The following MAX variants were observed in gnomAD, a reference collection of about 807,000 sequenced individuals.
MAX encodes protein max.
Under a neutral mutation model 22.3 loss-of-function variants are expected in MAX, and 3 were observed. That is an observed-to-expected ratio of 0.13 (90% CI 0.06 to 0.35). The LOEUF is 0.35. MAX is among the 10% of genes least tolerant of loss of function. The pLI is 1.00. For synonymous variants in MAX, 72 were observed against 77.7 expected (o/e 0.93, Z 0.39); for missense variants, 119 against 209.4 (o/e 0.57, Z 2.66).
chr14:65,102,556 C>T, upstream of MAX: 1 of 1,444,088 alleles, frequency 6.9e-7, no homozygotes, highest in Non-Finnish European at 9.1e-7. Context: ...GCCCGGTCGG[C>T]CCCCGCCACG....
chr14:65,045,429 C>A (rs1161896323), intron 3 of MAX, among the ~76,000 whole-genome samples: 2 of 147,706 alleles, frequency 1.4e-5, no homozygotes. Context: ...CTCCCCGCCG[C>A]CCCCGAGATG....
chr14:65,041,096 C>T (rs2062343178), intron 3 of MAX, among the ~76,000 whole-genome samples: 1 of 152,178 alleles, frequency 6.6e-6, no homozygotes, highest in Admixed American at 6.5e-5. Context: ...TTCTGCCTTT[C>T]TGTCTTCCTG....
Position 65,076,464 on chromosome 14 carries a change from G to A in MAX, c.*12C>T, listed in dbSNP as rs753946497. 4 of 1,612,754 alleles carry A rather than the reference G, an allele frequency of 2.5e-6. No homozygotes were observed. The highest frequency in any genetic ancestry group is 2.5e-6 in the Non-Finnish European group (3 of 1,180,028). The stretch of plus-strand genomic sequence containing the variant: ...GACAGACAGTTTTTATTGCTGGCCT[G>A]CCCCGAGTGGCTTAGCTGGCCTCCA... On this transcript the variant is annotated 3_prime_UTR_variant, in exon 5 of 5. Transcript: ENST00000358664. The surrounding 1 kb of genome is among the most constrained non-coding windows in gnomAD (Gnocchi z 6.6).
At chr14:65,045,372 A>G (rs1045383800) in intron 3 of MAX, among the ~76,000 whole-genome samples, 4 of 149,582 alleles carry the variant, frequency 2.7e-5, no homozygotes, top group Admixed American at 2.0e-4. Flanking sequence ...GCCCCTCCCC[A>G]TACTTTTTTT....
intron 3 of MAX, among the ~76,000 whole-genome samples, chr14:65,045,263 C>G (rs1264664368): frequency 2.0e-5 from 3 of 152,128 alleles, no homozygotes; most frequent in Non-Finnish European, 4.4e-5. Context: ...GGTTGCTGAT[C>G]TGTTTTTGGA....
At chr14:65,024,789 A>T (rs930537179) in intron 3 of MAX, among the ~76,000 whole-genome samples, 2 of 152,024 alleles carry the variant, frequency 1.3e-5, no homozygotes, top group Non-Finnish European at 2.9e-5. Context: ...GGGAAAAAAA[A>T]ATATTTTTTT....
At position 65,055,598 on chromosome 14, in the gene MAX, C is replaced by T. The variant is rs145600046; in HGVS notation, c.171+38110G>A. Among the ~76,000 whole-genome samples the T allele has an allele frequency of 4.2e-4, 64 of 151,970 alleles. 1 individual carries two copies. Among genetic ancestry groups the T allele is most frequent in the Non-Finnish European group, 7.2e-4 (49 of 67,992 alleles). The stretch of plus-strand genomic sequence containing the variant: ...GTGGCATGATATTGGCTCACTGCAA[C>T]CTCCACCTCCCAGGTTCAAGCAATT... On this transcript the variant is annotated intron_variant, in intron 3 of 3. Coordinates refer to the MAX transcript ENST00000341653.
intron 3 of MAX, among the ~76,000 whole-genome samples, chr14:65,057,485 T>C (rs2062762852): frequency 6.6e-6 from 1 of 152,178 alleles, no homozygotes; most frequent in African/African-American, 2.4e-5. Context: ...TATTTGTCTT[T>C]TCTGTCATTC....
chr14:65,006,371 C>T (rs2061590661), intron 3 of MAX: 1 of 1,555,936 alleles, frequency 6.4e-7, no homozygotes, highest in Non-Finnish European at 8.7e-7. Context: ...TAACCCAATG[C>T]TCTGACCTCA....
intron 3 of MAX, among the ~76,000 whole-genome samples, chr14:65,063,205 T>C (rs1488474552): frequency 6.6e-6 from 1 of 152,232 alleles, no homozygotes; most frequent in Non-Finnish European, 1.5e-5. Context: ...AGGAATGTAA[T>C]TCCTGCCCCC....
At chr14:65,013,002 G>A (rs1030294613) in intron 3 of MAX, among the ~76,000 whole-genome samples, 3 of 152,194 alleles carry the variant, frequency 2.0e-5, no homozygotes, top group African/African-American at 7.2e-5. Context: ...ACTGGGTGAC[G>A]GTGGAGGGGA....
At chr14:65,083,933 T>C (rs886731569) in intron 3 of MAX, 14 of 1,328,610 alleles carry the variant, frequency 1.1e-5, no homozygotes, top group African/African-American at 8.8e-5. Context: ...CACAATAAAT[T>C]TGGATCCACA....
intron 2 of MAX, among the ~76,000 whole-genome samples, chr14:65,098,862 T>C (rs2063744862): frequency 6.6e-6 from 1 of 152,232 alleles, no homozygotes; most frequent in South Asian, 2.1e-4. Context: ...CCTAACTCTC[T>C]TCTCAGTATC....
chr14:65,038,641 C>T (rs1442282877), intron 3 of MAX, among the ~76,000 whole-genome samples: 1 of 152,114 alleles, frequency 6.6e-6, no homozygotes, highest in Non-Finnish European at 1.5e-5. Context: ...TCACTTGAAC[C>T]CAGGAGGCGG....
intron 2 of MAX, among the ~76,000 whole-genome samples, chr14:65,100,323 G>A (rs1211420208): frequency 9.9e-5 from 15 of 152,184 alleles, no homozygotes; most frequent in Middle Eastern, 6.8e-3. Flanking sequence ...GGTGGCACGC[G>A]CCTGTAGTCC....
chr14:65,069,191 C>T lies in MAX; in HGVS notation c.171+24517G>A, dbSNP rs554126582. Among the ~76,000 whole-genome samples the T allele has an allele frequency of 8.1e-4, 124 of 152,308 alleles. No homozygotes were observed. The highest frequency in any genetic ancestry group is 2.9e-3 in the African/African-American group (122 of 41,568). ...ACCAGTGAAAGTGGTGGAATAGAAT[C>T]GTGACCCAACCTGTGCAGAGCAGAT... is the stretch of plus-strand genomic sequence containing the variant. On this transcript the variant is annotated intron_variant, in intron 3 of 3. Transcript: ENST00000341653. The surrounding 1 kb of genome is among the most constrained non-coding windows in gnomAD (Gnocchi z 4.6).
rs2063121471 is a variant in MAX, at chr14:65,078,527, G to GT, written c.172-492dup. The stretch of plus-strand genomic sequence containing the variant: ...CGCCCAGCCTGTTGTTGTTGTTGTT[G>GT]TTGTTGTTTTTTTTTTTTTGGAGAC... On this transcript the variant is annotated intron_variant, in intron 3 of 4. Coordinates refer to ENST00000358664, the MANE Select transcript of MAX (RefSeq NM_002382.5). This position sits in a 1 kb window ranked among gnomAD's most constrained non-coding sequence, Gnocchi z 6.4. Among the ~76,000 whole-genome samples the GT allele has an allele frequency of 1.3e-5, 2 of 148,344 alleles. No individual in the cohort carries two copies. The highest frequency in any genetic ancestry group is 4.9e-5 in the African/African-American group (2 of 40,472).
In MAX at chr14:65,032,457, T is replaced by C; in HGVS notation, c.172-26173A>G. On this transcript the variant is annotated intron_variant, in intron 3 of 3. Coordinates refer to the MAX transcript ENST00000341653. The surrounding 1 kb of genome is among the most constrained non-coding windows in gnomAD (Gnocchi z 5.0). ...CCAAATAGAATGTCACACCTCTCAG[T>C]TGGAGACCCAGGAGGACTGACCGTG... 1 of 642,612 alleles carries C rather than the reference T, an allele frequency of 1.6e-6. No homozygotes were observed. Among genetic ancestry groups the C allele is most frequent in the South Asian group, 2.4e-5 (1 of 41,412 alleles). 39.8% of individuals were successfully genotyped at this position (642,612 alleles called of 1,614,324 possible).
chr14:65,078,888 T>G lies in MAX; in HGVS notation c.172-852A>C, dbSNP rs1212812374. 6.6e-6 allele frequency among the ~76,000 whole-genome samples: 1 copy of G among 152,314 alleles called. No individual in the cohort carries two copies. Among genetic ancestry groups the G allele is most frequent in the East Asian group, 1.9e-4 (1 of 5,182 alleles). ...CTTTACAGAGCTTAACTCACAAGAT[T>G]AGTCTCAGAGGTAGCTCTACTAAGA... On this transcript the variant is annotated intron_variant, in intron 3 of 4. Coordinates refer to ENST00000358664, the MANE Select transcript of MAX (RefSeq NM_002382.5). This position sits in a 1 kb window ranked among gnomAD's most constrained non-coding sequence, Gnocchi z 6.4.
Sources: allele counts gnomAD v4.1 joint callset (sites outside exome capture counted in the v4.1 genomes callset), GRCh38; gene constraint gnomAD v4.1.1; non-coding constraint Gnocchi (gnomAD v3.1); transcripts MANE v1.5; gene names NCBI Gene and HGNC (gene_info 2026-07-23, HGNC 2026-07-21).